The following CACNG6 variants were observed in gnomAD, a reference collection of about 807,000 sequenced individuals.
The protein encoded by CACNG6 is calcium voltage-gated channel auxiliary subunit gamma 6.
Under a neutral mutation model 23.9 loss-of-function variants are expected in CACNG6, and 21 were observed. The observed-to-expected ratio is 0.88, with a 90% CI of 0.62 to 1.26. The LOEUF (loss-of-function observed/expected upper bound fraction) is 1.26. CACNG6 is among the 50% of genes most tolerant of loss of function. The probability of loss-of-function intolerance (pLI) is 0.00; values close to 1 mark genes in which losing one functional copy is unlikely to be tolerated. For synonymous variants in CACNG6, 182 were observed against 168.9 expected, an observed-to-expected ratio of 1.08 and a Z score of -0.60; for missense variants, 340 against 352.9, an observed-to-expected ratio of 0.96 and a Z score of 0.29.
chr19:54,004,334 TTTGTGTGTGTGTGTGTGTGTG>T (rs1341253098), intron 3 of CACNG6, among the ~76,000 whole-genome samples: 20 of 126,542 alleles, frequency 1.6e-4, no homozygotes, highest in African/African-American at 2.7e-4. Context: ...ATTTTGTATT[TTTGTGTGTGTGTGTGTGTGTG>T]TGTGTGTGTG....
At chr19:54,005,935 C>G (rs2069638983) in intron 3 of CACNG6, among the ~76,000 whole-genome samples, 1 of 151,164 alleles carries the variant, frequency 6.6e-6, no homozygotes, top group South Asian at 2.1e-4. Context: ...ACTAAAAATA[C>G]AAAAATTAGC....
chr19:53,999,429 A>C (rs1481492612), intron 2 of CACNG6, among the ~76,000 whole-genome samples: 1 of 152,120 alleles, frequency 6.6e-6, no homozygotes. Flanking sequence ...CCCTTTGCTC[A>C]GTGACTTTAG....
intron 3 of CACNG6, among the ~76,000 whole-genome samples, chr19:54,005,323 G>A (rs895299336): frequency 3.3e-5 from 5 of 151,638 alleles, no homozygotes; most frequent in African/African-American, 1.2e-4. Flanking sequence ...CACTTTGGGA[G>A]GGCGAGGTAC....
chr19:53,995,622 A>G (rs1450284112), intron 1 of CACNG6, among the ~76,000 whole-genome samples: 2 of 152,204 alleles, frequency 1.3e-5, no homozygotes, highest in Non-Finnish European at 2.9e-5. Flanking sequence ...GACTGCTTCA[A>G]AGAGCACCTG....
chr19:53,999,896 T>G, intron 3 of CACNG6, 125 bp downstream of exon 3: 1 of 1,197,776 alleles, frequency 8.3e-7, no homozygotes, highest in South Asian at 1.5e-5. Flanking sequence ...CTCTATGCAC[T>G]GTTGCATGCT....
intron 3 of CACNG6, among the ~76,000 whole-genome samples, chr19:54,003,581 G>T (rs1483374485): frequency 6.6e-6 from 1 of 151,932 alleles, no homozygotes; most frequent in African/African-American, 2.4e-5. Flanking sequence ...GGCTGGTCTC[G>T]AACTCCTGAC....
chr19:53,999,307 A>T (rs1453284244), intron 2 of CACNG6, among the ~76,000 whole-genome samples: 1 of 152,136 alleles, frequency 6.6e-6, no homozygotes, highest in East Asian at 1.9e-4. Flanking sequence ...TGCCTTTGCC[A>T]TCGTCTCCCA....
At chr19:54,011,205 A>AAAAAATATATATATAT (rs58054808) in intron 3 of CACNG6, among the ~76,000 whole-genome samples, 1 of 102,546 alleles carries the variant, frequency 9.8e-6, no homozygotes, top group Non-Finnish European at 1.7e-5. Context: ...AAAAAAAAAA[A>AAAAAATATATATATAT]ATATATATAT....
intron 3 of CACNG6, among the ~76,000 whole-genome samples, chr19:54,006,111 T>TAAATAAATAAATAAAC (rs2069641536): frequency 6.6e-6 from 1 of 150,394 alleles, no homozygotes; most frequent in Non-Finnish European, 1.5e-5. Context: ...AATAAATAAA[T>TAAATAAATAAATAAAC]AAATAAATAA....
intron 3 of CACNG6, among the ~76,000 whole-genome samples, chr19:54,008,147 G>GTT: frequency 6.6e-6 from 1 of 152,090 alleles, no homozygotes; most frequent in Admixed American, 6.6e-5. Context: ...GAGGTCAGGA[G>GTT]TTTGAGACCA....
At chr19:53,994,792 C>T (rs1043856868) in intron 1 of CACNG6, among the ~76,000 whole-genome samples, 7 of 152,180 alleles carry the variant, frequency 4.6e-5, no homozygotes, top group African/African-American at 1.7e-4. Flanking sequence ...GCCAGGCCCC[C>T]CGGCTGTCTG....
At chr19:53,991,444 G>T (rs923413230), upstream of CACNG6, among the ~76,000 whole-genome samples, 5 of 151,922 alleles carry the variant, frequency 3.3e-5, no homozygotes, top group African/African-American at 4.8e-5. Context: ...CATCAGGCTC[G>T]GCCCCTTCCT....
chr19:54,011,810 G>A, intron 3 of CACNG6, 141 bp from the exon 4 acceptor site: 1 of 419,360 alleles, frequency 2.4e-6, no homozygotes, highest in Non-Finnish European at 4.0e-6. Context: ...CTGCTATATA[G>A]TAGGTGTTTA....
intron 2 of CACNG6, among the ~76,000 whole-genome samples, chr19:53,998,996 G>T (rs2034998457): frequency 6.6e-6 from 1 of 152,164 alleles, no homozygotes; most frequent in Admixed American, 6.5e-5. Flanking sequence ...CAGGGTGGGG[G>T]CTTTATCTTC....
rs138464456 is a variant in CACNG6, at chr19:54,002,267, G to GTTTTTTTTTTT, written c.544+2503_544+2504insTTTTTTTTTTT. On this transcript the variant is annotated intron_variant, in intron 3 of 3. Transcript: ENST00000252729. The stretch of plus-strand genomic sequence containing the variant: ...TGCCGCCAAGCCCGGCTAATTTTCG[G>GTTTTTTTTTTT]TTTTTTTGTTTTTTTTGTTTTTTTT... Among the ~76,000 whole-genome samples, 11 of 131,934 alleles carry GTTTTTTTTTTT rather than the reference G, an allele frequency of 8.3e-5. 1 individual carries two copies. Among genetic ancestry groups the GTTTTTTTTTTT allele is most frequent in the African/African-American group, 3.3e-4 (10 of 30,066 alleles). 86.6% of individuals were successfully genotyped at this position (131,934 alleles called of 152,430 possible). A position where few individuals can be genotyped will look rare whatever the true frequency, so the allele number is the denominator to read the frequency against.
At chr19:54,008,999 C>T (rs1478726889) in intron 3 of CACNG6, among the ~76,000 whole-genome samples, 1 of 152,130 alleles carries the variant, frequency 6.6e-6, no homozygotes, top group African/African-American at 2.4e-5. Context: ...ATCATTTAAG[C>T]AATTATAGGC....
rs138464456 is a variant in CACNG6 at position 54,002,267 on chromosome 19, G to GTTTTT, written c.544+2499_544+2503dup. ...TGCCGCCAAGCCCGGCTAATTTTCG[G>GTTTTT]TTTTTTTGTTTTTTTTGTTTTTTTT... On this transcript the variant is annotated intron_variant, in intron 3 of 3. Transcript: ENST00000252729. Among the ~76,000 whole-genome samples the GTTTTT allele has an allele frequency of 1.5e-3, 198 of 131,908 alleles. 9 individuals carry two copies. The highest frequency in any genetic ancestry group is 6.0e-3 in the African/African-American group (179 of 30,040). The allele number at this position is 131,908 out of a possible 152,430, so 86.5% of individuals were successfully genotyped here. A position where few individuals can be genotyped will look rare whatever the true frequency, so the allele number is the denominator to read the frequency against.
In CACNG6 at chr19:53,992,814, C is replaced by T. The variant is rs1187492607; in HGVS notation, c.-64C>T. The stretch of plus-strand genomic sequence containing the variant: ...TCAAGACCCCAGGCCGCTCCTCGCT[C>T]CCGCCCCTCGAGGCCCTTCGCCGGC... On this transcript the variant is annotated 5_prime_UTR_variant, in exon 1 of 4. Coordinates refer to ENST00000252729, the MANE Select transcript of CACNG6 (RefSeq NM_145814.2). This position sits in a 1 kb window ranked among gnomAD's most constrained non-coding sequence, Gnocchi z 4.1. 2 of 1,201,464 alleles carry T rather than the reference C, an allele frequency of 1.7e-6. No individual in the cohort carries two copies. Among genetic ancestry groups the T allele is most frequent in the African/African-American group, 1.6e-5 (1 of 63,300 alleles). 74.4% of individuals were successfully genotyped at this position (1,201,464 alleles called of 1,614,324 possible).
At chr19:54,003,550 T>G (rs555059443) in intron 3 of CACNG6, among the ~76,000 whole-genome samples, 17 of 152,016 alleles carry the variant, frequency 1.1e-4, no homozygotes, top group African/African-American at 3.9e-4. Flanking sequence ...TAATAGAGAC[T>G]GGGTTTCTCC....
Sources: allele counts gnomAD v4.1 joint callset (sites outside exome capture counted in the v4.1 genomes callset), GRCh38; gene constraint gnomAD v4.1.1; non-coding constraint Gnocchi (gnomAD v3.1); transcripts MANE v1.5; gene names NCBI Gene and HGNC (gene_info 2026-07-23, HGNC 2026-07-21).